The following SUPT3H variants were observed in gnomAD, a reference collection of about 807,000 sequenced individuals.
SUPT3H encodes the protein SPT3 homolog, SAGA and STAGA complex component.
A neutral mutation model predicts 44.3 loss-of-function variants in SUPT3H; 44 were observed. The ratio of observed to expected loss-of-function variants is 0.99; its 90% CI spans 0.78 to 1.28. The LOEUF is 1.28. Ranked by LOEUF, SUPT3H falls within the 50% of genes most tolerant of loss-of-function variation. The probability of loss-of-function intolerance (pLI) is 0.00; values close to 1 mark genes in which losing one functional copy is unlikely to be tolerated. For synonymous variants in SUPT3H, 124 were observed against 125.6 expected (o/e 0.99, Z 0.09); for missense variants, 380 against 387.1 (o/e 0.98, Z 0.15).
intron 9 of SUPT3H, among the ~76,000 whole-genome samples, chr6:44,944,762 C>CAAAAAAAAAAA (rs57506313): frequency 0.018 from 534 of 29,696 alleles, 11 homozygotes; most frequent in East Asian, 0.024. Context: ...ACCCTCTCTC[C>CAAAAAAAAAAA]AAAAAAAAAA....
intron 3 of SUPT3H, chr6:45,097,544 G>A (rs1797961789): frequency 6.6e-6 from 1 of 152,244 alleles, no homozygotes; most frequent in Non-Finnish European, 1.5e-5. Flanking sequence ...GCTGATTTGT[G>A]AGAAATTCAA....
At chr6:45,243,305 T>A (rs1301505766) in intron 2 of SUPT3H, among the ~76,000 whole-genome samples, 1 of 150,110 alleles carries the variant, frequency 6.7e-6, no homozygotes, top group African/African-American at 2.5e-5. Context: ...TAAGAAAACT[T>A]CTATAGCATA....
chr6:45,063,423 C>T (rs1459340664), intron 3 of SUPT3H, among the ~76,000 whole-genome samples: 1 of 150,344 alleles, frequency 6.7e-6, no homozygotes, highest in African/African-American at 2.5e-5. Flanking sequence ...CAAAGGAACG[C>T]AGCTCCTCAC....
At chr6:45,299,669 T>G (rs1781835441) in intron 2 of SUPT3H, among the ~76,000 whole-genome samples, 1 of 151,558 alleles carries the variant, frequency 6.6e-6, no homozygotes, top group Non-Finnish European at 1.5e-5. Flanking sequence ...ATCCCAACAC[T>G]TTGGGGAGGC....
chr6:45,122,672 A>T (rs1297501661), intron 2 of SUPT3H, among the ~76,000 whole-genome samples: 1 of 152,158 alleles, frequency 6.6e-6, no homozygotes, highest in Non-Finnish European at 1.5e-5. Flanking sequence ...TACTTCCATG[A>T]CATTTTGTTT....
chr6:44,988,589 A>G (rs549138173), intron 6 of SUPT3H, among the ~76,000 whole-genome samples: 19 of 151,032 alleles, frequency 1.3e-4, no homozygotes, highest in African/African-American at 4.3e-4. Flanking sequence ...AGTTTACAAC[A>G]CTAATATTTC....
At chr6:45,176,211 GGTGCGCGCACC>G (rs946001004) in intron 2 of SUPT3H, among the ~76,000 whole-genome samples, 1 of 151,650 alleles carries the variant, frequency 6.6e-6, no homozygotes, top group Non-Finnish European at 1.5e-5. Flanking sequence ...CAGGTCAGTG[GGTGCGCGCACC>G]GTGCGCGAGC....
Position 44,855,273 on chromosome 6 carries a change from A to G in SUPT3H, c.913-25416T>C, listed in dbSNP as rs930314786. ...TTGAGTCCCATCTCTTGGGCTGGCC[A>G]GTTTTGACTGGCAGATGCTTCTACT... On this transcript the variant is annotated intron_variant, in intron 10 of 10. Transcript: ENST00000371459. Among the ~76,000 whole-genome samples, 8 of 152,240 alleles carry G rather than the reference A, an allele frequency of 5.3e-5. No individual in the cohort carries two copies. In the South Asian group the frequency reaches 1.2e-3, roughly 24 times the overall value.
chr6:44,863,036 C>T (rs2153426319), intron 10 of SUPT3H, among the ~76,000 whole-genome samples: 1 of 152,166 alleles, frequency 6.6e-6, no homozygotes, highest in South Asian at 2.1e-4. Flanking sequence ...CAACACTCCA[C>T]CTAAAAACTG....
intron 2 of SUPT3H, among the ~76,000 whole-genome samples, chr6:45,344,980 ATC>A (rs936512759): frequency 3.3e-5 from 5 of 152,130 alleles, no homozygotes; most frequent in Non-Finnish European, 5.9e-5. Context: ...GAGTTTAGAA[ATC>A]TGTTTCACCT....
chr6:45,168,532 T>C (rs1162180795), intron 2 of SUPT3H, among the ~76,000 whole-genome samples: 1 of 152,164 alleles, frequency 6.6e-6, no homozygotes, highest in East Asian at 1.9e-4. Context: ...TCCTTAACCC[T>C]GGCAAAATAC....
intron 2 of SUPT3H, among the ~76,000 whole-genome samples, chr6:45,242,845 G>C (rs1028434666): frequency 6.6e-6 from 1 of 152,076 alleles, no homozygotes; most frequent in African/African-American, 2.4e-5. Context: ...AAAGTCAATA[G>C]AAACAGATGC....
At chr6:44,972,875 C>T (rs1011016936) in intron 6 of SUPT3H, among the ~76,000 whole-genome samples, 1 of 152,226 alleles carries the variant, frequency 6.6e-6, no homozygotes. Context: ...CACAAAGCAG[C>T]AAGGCCCTGG....
At chr6:44,962,578 T>G (rs1047968393) in intron 6 of SUPT3H, among the ~76,000 whole-genome samples, 3 of 7,500 alleles carry the variant, frequency 4.0e-4, no homozygotes, top group African/African-American at 2.5e-3. Flanking sequence ...TCCCTGAGAT[T>G]TAATTTTTTT....
chr6:45,210,645 G>A (rs1763939232), intron 2 of SUPT3H, among the ~76,000 whole-genome samples: 1 of 152,142 alleles, frequency 6.6e-6, no homozygotes, highest in South Asian at 2.1e-4. Context: ...CATGTCATCA[G>A]AACTTCCTGA....
intron 6 of SUPT3H, among the ~76,000 whole-genome samples, chr6:44,982,210 C>G (rs953649832): frequency 1.3e-5 from 2 of 151,738 alleles, no homozygotes; most frequent in South Asian, 2.1e-4. Flanking sequence ...TTGTTTGAGA[C>G]AGTCTCACTC....
chr6:44,835,629 C>T (rs966242431), intron 10 of SUPT3H, among the ~76,000 whole-genome samples: 2 of 152,042 alleles, frequency 1.3e-5, no homozygotes, highest in African/African-American at 4.8e-5. Context: ...ACTTGTTAAC[C>T]TAAATGTCTG....
chr6:45,334,057 A>T (rs1472395883), intron 2 of SUPT3H, among the ~76,000 whole-genome samples: 1 of 151,260 alleles, frequency 6.6e-6, no homozygotes, highest in Admixed American at 6.6e-5. Context: ...TATATCTAAG[A>T]TTATTTTGGC....
In SUPT3H at chr6:44,959,569, T is replaced by G. The variant is rs192944485; in HGVS notation, c.580+2184A>C. Among the ~76,000 whole-genome samples, 597 of 152,052 alleles carry G rather than the reference T, an allele frequency of 3.9e-3. 7 individuals carry two copies. Among genetic ancestry groups the G allele is most frequent in the African/African-American group, 0.014 (568 of 41,476 alleles). On this transcript the variant is annotated intron_variant, in intron 7 of 10. Coordinates refer to ENST00000371459, the MANE Select transcript of SUPT3H (RefSeq NM_003599.4). Reference sequence around the variant, plus strand: ...TTATAGATTATAAATTTTAATGATTTAAATTATTATAAATTATTCTTTATG... The same window carrying G: ...TTATAGATTATAAATTTTAATGATTGAAATTATTATAAATTATTCTTTATG...
Sources: gnomAD v4.1 joint callset for allele counts (sites outside exome capture counted in the v4.1 genomes callset) on GRCh38, gnomAD v4.1.1 for gene constraint, MANE v1.5 for transcripts, NCBI Gene and HGNC (gene_info 2026-07-23, HGNC 2026-07-21) for gene names.